The following DLGAP2 variants were observed in gnomAD, a reference collection of about 807,000 sequenced individuals.
DLGAP2 encodes DLG associated protein 2.
A neutral mutation model predicts 100.3 loss-of-function variants in DLGAP2; 26 were observed. That is an observed-to-expected ratio of 0.26 (90% CI 0.19 to 0.36). DLGAP2 has a LOEUF of 0.36. DLGAP2 is among the 10% of genes least tolerant of loss of function. The pLI is 1.00. For missense variants in DLGAP2, 1,858 were observed against 1,453.2 expected, an observed-to-expected ratio of 1.28 and a Z score of -4.53; for synonymous variants, 886 against 630.1, an observed-to-expected ratio of 1.41 and a Z score of -6.08.
chr8:1,460,093 G>A (rs773002109), intron 3 of DLGAP2, among the ~76,000 whole-genome samples: 1 of 152,222 alleles, frequency 6.6e-6, no homozygotes, highest in Non-Finnish European at 1.5e-5. Context: ...GCGTGAGCAG[G>A]AAGGACGCTG....
intron 8 of DLGAP2, among the ~76,000 whole-genome samples, chr8:1,648,455 C>T (rs998546521): frequency 6.6e-6 from 1 of 152,130 alleles, no homozygotes; most frequent in Non-Finnish European, 1.5e-5. Context: ...TGAAATTCAG[C>T]CTCTGTCATT....
intron 4 of DLGAP2, among the ~76,000 whole-genome samples, chr8:1,543,789 T>C (rs1427136487): frequency 1.3e-5 from 2 of 152,248 alleles, no homozygotes. Context: ...ATCTTAACCA[T>C]TAAGTCTGCC....
At chr8:1,149,025 T>C (rs930494855) in intron 2 of DLGAP2, among the ~76,000 whole-genome samples, 2 of 152,238 alleles carry the variant, frequency 1.3e-5, no homozygotes, top group African/African-American at 4.8e-5. Context: ...GGTTTGTTTA[T>C]TTTTGCTTTT....
intron 1 of DLGAP2, among the ~76,000 whole-genome samples, chr8:741,139 C>T (rs1041942993): frequency 4.6e-5 from 7 of 152,170 alleles, no homozygotes; most frequent in Admixed American, 1.3e-4. Context: ...GGTACTTGTG[C>T]GTACAAAAAC....
intron 6 of DLGAP2, among the ~76,000 whole-genome samples, chr8:1,601,002 A>G (rs1354019166): frequency 1.3e-5 from 2 of 152,060 alleles, no homozygotes; most frequent in South Asian, 2.1e-4. Flanking sequence ...CCTCATCTTC[A>G]TGGATTTATC....
At chr8:1,519,411 C>G (rs901982690) in intron 4 of DLGAP2, among the ~76,000 whole-genome samples, 1 of 152,200 alleles carries the variant, frequency 6.6e-6, no homozygotes, top group Non-Finnish European at 1.5e-5. Context: ...GTTCATTAAC[C>G]TGCTGCTGAA....
intron 3 of DLGAP2, among the ~76,000 whole-genome samples, chr8:1,484,885 T>G: frequency 6.6e-6 from 1 of 152,314 alleles, no homozygotes; most frequent in Admixed American, 6.5e-5. Flanking sequence ...CTCTCAGCCT[T>G]TCAGCCCCCT....
intron 2 of DLGAP2, among the ~76,000 whole-genome samples, chr8:986,201 C>A (rs1349617307): frequency 6.6e-6 from 1 of 152,062 alleles, no homozygotes; most frequent in African/African-American, 2.4e-5. Context: ...CTCTTGGGAT[C>A]CCAAAGAGCT....
chr8:831,218 T>A (rs1796776749), intron 1 of DLGAP2, among the ~76,000 whole-genome samples: 1 of 151,556 alleles, frequency 6.6e-6, no homozygotes, highest in South Asian at 2.1e-4. Context: ...TTTTTTTTTT[T>A]TTTTTTTTTT....
In DLGAP2 at chr8:1,565,769, T is replaced by C. The variant is rs1802372539; in HGVS notation, c.1317T>C (p.Ile439=). ...PCRRMRSGSY[I]KAMGDEESGE... ...GGAGAATGAGAAGTGGGAGTTACAT[T>C]AAAGCCATGGGGGACGAGGAGAGCG... The change falls in exon 6 of 15, where the codon ATT becomes ATC. Residue 439 remains isoleucine, a synonymous_variant. Transcript: ENST00000637795. 6.2e-7 allele frequency: 1 copy of C among 1,613,672 alleles called. No homozygotes were observed. The highest frequency in any genetic ancestry group is 1.1e-5 in the South Asian group (1 of 91,062).
At chr8:1,452,537 G>C (rs145725936) in intron 3 of DLGAP2, among the ~76,000 whole-genome samples, 6 of 152,220 alleles carry the variant, frequency 3.9e-5, no homozygotes, top group Non-Finnish European at 1.5e-5. Flanking sequence ...TGGGCGCTCC[G>C]GGGAGAGCTG....
At chr8:1,261,500 T>A (rs2116910463) in intron 3 of DLGAP2, among the ~76,000 whole-genome samples, 1 of 115,654 alleles carries the variant, frequency 8.6e-6, no homozygotes, top group African/African-American at 3.3e-5. Context: ...ATAAGAAGAC[T>A]CCCCCTGTCC....
At position 1,626,894 on chromosome 8, in the gene DLGAP2, G is replaced by C. The variant is rs777540889; in HGVS notation, c.1590+7G>C. ...GGCCAGCTGCGTGAGCCAGGTCAGG[G>C]TCCCTTCGCCCTTTCTCCCTGGGGT... On this transcript the variant is annotated splice_region_variant and intron_variant, in intron 7 of 14. Transcript: ENST00000637795. 14 of 1,586,302 alleles carry C rather than the reference G, an allele frequency of 8.8e-6. No individual in the cohort carries two copies. The highest frequency in any genetic ancestry group is 9.4e-6 in the Non-Finnish European group (11 of 1,166,556).
At chr8:1,078,275 A>G (rs1803690771) in intron 2 of DLGAP2, among the ~76,000 whole-genome samples, 1 of 152,200 alleles carries the variant, frequency 6.6e-6, no homozygotes. Context: ...GAGCAGGTTT[A>G]GGTTCACAGA....
At chr8:1,225,716 G>A (rs996140676) in intron 2 of DLGAP2, among the ~76,000 whole-genome samples, 3 of 152,182 alleles carry the variant, frequency 2.0e-5, no homozygotes, top group African/African-American at 7.2e-5. Flanking sequence ...AAATACTGGG[G>A]AGCTCTTGGT....
In DLGAP2 at chr8:1,549,417, C is replaced by A. The variant is rs778052783; in HGVS notation, c.964C>A (p.Pro322Thr). 6.2e-7 allele frequency: 1 copy of A among 1,613,446 alleles called. No individual in the cohort carries two copies. The highest frequency in any genetic ancestry group is 8.5e-7 in the Non-Finnish European group (1 of 1,179,788). The change falls in exon 5 of 15, where the codon CCC becomes ACC. Residue 322 changes from proline to threonine, a missense_variant. Physicochemically the swap from Pro to Thr is conservative, Grantham distance 38 (BLOSUM62 -1). Transcript: ENST00000637795. ...PSVLNRHHLG[P>T]VAHCYPDALQ... ...CGTGCTCAACCGGCACCACCTGGGC[C>A]CCGTGGCCCACTGCTACCCCGACGC...
chr8:1,115,563 T>C (rs1482693607), intron 2 of DLGAP2, among the ~76,000 whole-genome samples: 2 of 152,224 alleles, frequency 1.3e-5, no homozygotes, highest in Non-Finnish European at 2.9e-5. Flanking sequence ...TACCACACCA[T>C]AGATGCTGTA....
chr8:1,090,050 C>T (rs1291451862), intron 2 of DLGAP2, among the ~76,000 whole-genome samples: 2 of 139,358 alleles, frequency 1.4e-5, no homozygotes, highest in Admixed American at 7.1e-5. Context: ...AAACTCATAC[C>T]CCGAGGACCT....
At chr8:965,461 T>C (rs1336508825) in intron 2 of DLGAP2, among the ~76,000 whole-genome samples, 1 of 52,702 alleles carries the variant, frequency 1.9e-5, no homozygotes, top group Non-Finnish European at 3.5e-5. Flanking sequence ...GGCTCCTGAG[T>C]CTGACCCCGC....
Sources: allele counts gnomAD v4.1 joint callset (sites outside exome capture counted in the v4.1 genomes callset), GRCh38; gene constraint gnomAD v4.1.1; transcripts MANE v1.5; gene names NCBI Gene and HGNC (gene_info 2026-07-23, HGNC 2026-07-21).